PRUNE2: variants seen among roughly 807,000 people sequenced by gnomAD.
The protein encoded by PRUNE2 is protein prune homolog 2.
Under a neutral mutation model 252.0 loss-of-function variants are expected in PRUNE2, and 164 were observed. The ratio of observed to expected loss-of-function variants is 0.65; its 90% CI spans 0.57 to 0.74. The LOEUF is 0.74. Ranked by LOEUF, PRUNE2 falls within the 30% of genes least tolerant of loss-of-function variation. PRUNE2 has a pLI of 0.00. For missense variants in PRUNE2, 3,495 were observed against 3,711.0 expected, an observed-to-expected ratio of 0.94 and a Z score of 1.51; for synonymous variants, 1,292 against 1,350.2, an observed-to-expected ratio of 0.96 and a Z score of 0.94.
chr9:76,744,687 T>G (rs770307516), intron 6 of PRUNE2, among the ~76,000 whole-genome samples: 2 of 152,132 alleles, frequency 1.3e-5, no homozygotes, highest in Non-Finnish European at 2.9e-5. Context: ...CCCTTCCCTA[T>G]CCGACTCCTA....
In PRUNE2 at chr9:76,706,057, C is replaced by G; in HGVS notation, c.6217G>C (p.Asp2073His). Reference protein sequence around the residue: ...LASAAPDLWIDAKKPFSLKAD... With the variant: ...LASAAPDLWIHAKKPFSLKAD... ...TTCAAACTGAAGGGCTTCTTAGCAT[C>G]TATCCACAAGTCAGGCGCGGCAGAG... The change falls in exon 8 of 19, where the codon GAT (aspartate) becomes CAT (histidine). Residue 2073 changes from aspartate (D) to histidine (H), a missense_variant. Asp to His is a moderately conservative substitution (Grantham distance 81). Transcript: ENST00000376718. 3 of 1,614,054 alleles carry G rather than the reference C, an allele frequency of 1.9e-6. No individual in the cohort carries two copies. The highest frequency in any genetic ancestry group is 1.7e-6 in the Non-Finnish European group (2 of 1,179,904).
At chr9:76,722,224 A>ATTTT (rs57390775) in intron 6 of PRUNE2, among the ~76,000 whole-genome samples, 1 of 130,558 alleles carries the variant, frequency 7.7e-6, no homozygotes. Flanking sequence ...ACACCCTGCT[A>ATTTT]TTTTTTTTTT....
intron 6 of PRUNE2, among the ~76,000 whole-genome samples, chr9:76,798,926 A>G (rs975400393): frequency 1.3e-5 from 2 of 152,232 alleles, no homozygotes; most frequent in African/African-American, 2.4e-5. Flanking sequence ...GAAAAGGGAC[A>G]CAAGTTACTG....
chr9:76,704,001 C>T lies in PRUNE2; in HGVS notation c.7612G>A (p.Glu2538Lys). 6.2e-7 allele frequency: 1 copy of T among 1,613,814 alleles called. No individual in the cohort carries two copies. Among genetic ancestry groups the T allele is most frequent in the Non-Finnish European group, 8.5e-7 (1 of 1,179,766 alleles). Residue 2538 changes from glutamate (E) to lysine (K), a missense_variant, in exon 9 of 19, where the codon GAG (glutamate) becomes AAG (lysine). Coordinates refer to ENST00000376718, the MANE Select transcript of PRUNE2 (RefSeq NM_015225.3). ...KSEYKEERCTEKNEDRHALHM... is the reference protein window; with the variant it reads ...KSEYKEERCTKKNEDRHALHM... ...AGTGCATGACGATCTTCATTCTTCT[C>T]TGTACATCTTTCTTCCTTGTATTCT...
At chr9:76,667,836 T>C (rs1472340140) in intron 9 of PRUNE2, among the ~76,000 whole-genome samples, 1 of 152,212 alleles carries the variant, frequency 6.6e-6, no homozygotes, top group Admixed American at 6.5e-5. Flanking sequence ...TGGCAACAAC[T>C]GAGCTCTGTT....
At chr9:76,694,714 G>C (rs1270114856) in intron 9 of PRUNE2, among the ~76,000 whole-genome samples, 1 of 152,042 alleles carries the variant, frequency 6.6e-6, no homozygotes. Context: ...AGTATGCTGG[G>C]CATTTGAGGA....
intron 6 of PRUNE2, among the ~76,000 whole-genome samples, chr9:76,776,536 AG>A (rs1285074558): frequency 1.2e-5 from 1 of 86,070 alleles, no homozygotes; most frequent in African/African-American, 5.7e-5. Flanking sequence ...TTTTTTTTTG[AG>A]ATGAGTCTCG....
chr9:76,758,458 T>C (rs967162369), intron 6 of PRUNE2: 3 of 152,124 alleles, frequency 2.0e-5, no homozygotes, highest in African/African-American at 7.2e-5. Context: ...AGGAAATAAT[T>C]GCTCTGTTGA....
At chr9:76,649,650 G>T (rs1846548782) in intron 11 of PRUNE2, among the ~76,000 whole-genome samples, 1 of 85,328 alleles carries the variant, frequency 1.2e-5, no homozygotes, top group African/African-American at 4.2e-5. Context: ...AGATAGAATA[G>T]GCTTTTTGTC....
At chr9:76,882,415 C>T (rs866608475) in intron 1 of PRUNE2, among the ~76,000 whole-genome samples, 3 of 152,172 alleles carry the variant, frequency 2.0e-5, no homozygotes, top group African/African-American at 7.2e-5. Context: ...TGTATTAGGC[C>T]GTTCTTGCAT....
chr9:76,685,128 A>C (rs114012754), intron 9 of PRUNE2, among the ~76,000 whole-genome samples: 1,884 of 152,308 alleles, frequency 0.012, 42 homozygotes, highest in African/African-American at 0.041. Flanking sequence ...TTATCTGCAA[A>C]ATGGGAATGA....
Position 76,707,503 on chromosome 9 carries a change from C to T in PRUNE2, c.4771G>A (p.Gly1591Ser), listed in dbSNP as rs760972627. The change falls in exon 8 of 19, where the codon GGC (glycine) becomes AGC (serine). Residue 1591 changes from glycine (G) to serine (S), a missense_variant. Gly to Ser is a moderately conservative substitution (Grantham distance 56). Transcript: ENST00000376718. ...HQESELITTD[G>S]QVEIVTKVKD... ...ACTTTGGTAACTATTTCTACTTGGC[C>T]ATCAGTGGTAATTAGTTCAGATTCT... 1 of 1,613,860 alleles carries T rather than the reference C, an allele frequency of 6.2e-7. No homozygotes were observed. The highest frequency in any genetic ancestry group is 2.2e-5 in the East Asian group (1 of 44,878).
chr9:76,811,593 TA>T (rs2057360672), intron 6 of PRUNE2, among the ~76,000 whole-genome samples: 1 of 152,176 alleles, frequency 6.6e-6, no homozygotes, highest in Admixed American at 6.5e-5. Flanking sequence ...CCTTCATGAG[TA>T]AAAGGCCAAC....
chr9:76,758,745 T>C (rs1376739340), intron 6 of PRUNE2: 6 of 152,056 alleles, frequency 3.9e-5, no homozygotes, highest in Non-Finnish European at 7.4e-5. Context: ...CATTATCACA[T>C]TTAACCCTCA....
At chr9:76,757,236 T>C (rs2051239301) in intron 6 of PRUNE2, among the ~76,000 whole-genome samples, 1 of 152,208 alleles carries the variant, frequency 6.6e-6, no homozygotes, top group Non-Finnish European at 1.5e-5. Flanking sequence ...ATTTGGAGAT[T>C]GTGAATGGTC....
chr9:76,697,100 G>T (rs1244580590), intron 9 of PRUNE2, among the ~76,000 whole-genome samples: 1 of 152,162 alleles, frequency 6.6e-6, no homozygotes, highest in Non-Finnish European at 1.5e-5. Context: ...ATGGCTTCTT[G>T]TCTTCCTCAA....
At chr9:76,725,424 T>C (rs1003793359) in intron 6 of PRUNE2, among the ~76,000 whole-genome samples, 1 of 152,222 alleles carries the variant, frequency 6.6e-6, no homozygotes, top group Non-Finnish European at 1.5e-5. Flanking sequence ...TGGGCAGATA[T>C]CCTGATGGGT....
chr9:76,646,055 T>C (rs1343850495), intron 11 of PRUNE2, among the ~76,000 whole-genome samples: 1 of 152,210 alleles, frequency 6.6e-6, no homozygotes, highest in African/African-American at 2.4e-5. Context: ...ACCTTTACCT[T>C]TTTCAGCCCT....
In PRUNE2 at chr9:76,619,356, A is replaced by G. The variant is rs376356094; in HGVS notation, c.9220T>C (p.Ser3074Pro). The change falls in exon 18 of 19, where the codon TCT becomes CCT. Residue 3074 changes from serine to proline, a missense_variant. Physicochemically the swap from Ser to Pro is moderately conservative, Grantham distance 74. Coordinates refer to ENST00000376718, the MANE Select transcript of PRUNE2 (RefSeq NM_015225.3). ...TSCLYNDPEMSSMEKDIDLKL... is the reference protein window; with the variant it reads ...TSCLYNDPEMPSMEKDIDLKL... ...AATTCTTACTCCTTCTCCATAGAAG[A>G]CATTTCTGGATCATTGTAAAGGCAG... 1.1e-5 allele frequency: 17 copies of G among 1,605,884 alleles called. No individual in the cohort carries two copies. Among genetic ancestry groups the G allele is most frequent in the Non-Finnish European group, 1.4e-5 (16 of 1,174,928 alleles).
Sources: gnomAD v4.1 joint callset for allele counts (sites outside exome capture counted in the v4.1 genomes callset) on GRCh38, gnomAD v4.1.1 for gene constraint, MANE v1.5 for transcripts, NCBI Gene and HGNC (gene_info 2026-07-23, HGNC 2026-07-21) for gene names.